FER1L6: variants seen among roughly 807,000 people sequenced by gnomAD.
FER1L6 encodes fer-1-like protein 6.
FER1L6 carries 177 observed loss-of-function variants against 219.2 expected under a neutral mutation model. That is an observed-to-expected ratio of 0.81 (90% CI 0.71 to 0.91). The LOEUF (loss-of-function observed/expected upper bound fraction) is 0.91, where lower values mean the gene tolerates loss of function less well. Among genes scored for constraint, FER1L6 ranks in the 40% least tolerant of loss-of-function variants. The probability of loss-of-function intolerance (pLI) is 0.00; values close to 1 mark genes in which losing one functional copy is unlikely to be tolerated. For synonymous variants in FER1L6, 768 were observed against 824.3 expected (o/e 0.93, Z 1.17); for missense variants, 2,153 against 2,259.9 (o/e 0.95, Z 0.96).
chr8:124,112,227 A>C (rs1418176376), intron 39 of FER1L6, among the ~76,000 whole-genome samples: 1 of 152,138 alleles, frequency 6.6e-6, no homozygotes, highest in Non-Finnish European at 1.5e-5. Flanking sequence ...GTCTGGTTTT[A>C]GTTGCTGGCA....
At chr8:124,021,258 T>C (rs1391587914) in intron 16 of FER1L6, among the ~76,000 whole-genome samples, 2 of 152,172 alleles carry the variant, frequency 1.3e-5, no homozygotes, top group Non-Finnish European at 2.9e-5. Flanking sequence ...AGCCAAACCA[T>C]GTCAGCTTGG....
chr8:123,916,550 T>C (rs984319635), intron 1 of FER1L6, among the ~76,000 whole-genome samples: 1 of 152,210 alleles, frequency 6.6e-6, no homozygotes, highest in East Asian at 1.9e-4. Context: ...ATTGAGTTCA[T>C]TGGATTGCAA....
At chr8:124,045,529 G>A (rs1819687151) in intron 20 of FER1L6, among the ~76,000 whole-genome samples, 1 of 152,170 alleles carries the variant, frequency 6.6e-6, no homozygotes, top group Admixed American at 6.5e-5. Context: ...ACATGTAGGG[G>A]CTCTGCTCAT....
chr8:124,040,126 A>G (rs2130729389), intron 20 of FER1L6, 120 bp downstream of exon 20: 1 of 1,349,548 alleles, frequency 7.4e-7, no homozygotes, highest in South Asian at 1.3e-5. Flanking sequence ...GGGTGTGTAG[A>G]TGTTTCAGAC....
chr8:124,062,726 CCTGTGTGTGTTCCCT>C (rs1820642486), intron 25 of FER1L6, among the ~76,000 whole-genome samples: 1 of 152,196 alleles, frequency 6.6e-6, no homozygotes. Context: ...AATGAATATC[CCTGTGTGTGTTCCCT>C]GAGGGAAGAC....
intron 1 of FER1L6, among the ~76,000 whole-genome samples, chr8:123,877,744 T>C (rs1817029008): frequency 6.6e-6 from 1 of 150,626 alleles, no homozygotes; most frequent in Non-Finnish European, 1.5e-5. Context: ...TCCTTTAACT[T>C]TGGTTTCTCT....
chr8:123,884,547 C>T (rs967769206), intron 1 of FER1L6, among the ~76,000 whole-genome samples: 2 of 152,196 alleles, frequency 1.3e-5, no homozygotes, highest in Non-Finnish European at 2.9e-5. Flanking sequence ...TCTTTCATGG[C>T]AGTTTGCTTC....
intron 14 of FER1L6, among the ~76,000 whole-genome samples, chr8:124,012,262 C>T (rs1489053464): frequency 6.6e-6 from 1 of 152,326 alleles, no homozygotes; most frequent in South Asian, 2.1e-4. Flanking sequence ...GGATTCCAGG[C>T]AACATGGAGA....
At chr8:124,054,222 G>A (rs1213769181) in intron 22 of FER1L6, among the ~76,000 whole-genome samples, 1 of 152,078 alleles carries the variant, frequency 6.6e-6, no homozygotes, top group Non-Finnish European at 1.5e-5. Context: ...ACTAGTTGGT[G>A]TTACCACCCC....
At chr8:124,101,490 G>A (rs1241553163) in intron 38 of FER1L6, 152 bp downstream of exon 38, 2 of 669,184 alleles carry the variant, frequency 3.0e-6, no homozygotes, top group Non-Finnish European at 5.0e-6. Flanking sequence ...CATTAATAGG[G>A]AATGGTTAAA....
At chr8:124,030,987 A>G (rs1818939913) in intron 18 of FER1L6, among the ~76,000 whole-genome samples, 1 of 152,108 alleles carries the variant, frequency 6.6e-6, no homozygotes, top group Non-Finnish European at 1.5e-5. Flanking sequence ...TTATATATGG[A>G]TGATCACAGC....
At chr8:123,886,066 T>C (rs1817195841) in intron 1 of FER1L6, among the ~76,000 whole-genome samples, 1 of 152,228 alleles carries the variant, frequency 6.6e-6, no homozygotes, top group Admixed American at 6.5e-5. Flanking sequence ...TTCGGAGTAC[T>C]TCCTTTGTGC....
At chr8:124,069,503 A>T in intron 29 of FER1L6, 28 bp downstream of exon 29, 1 of 1,514,754 alleles carries the variant, frequency 6.6e-7, no homozygotes, top group Non-Finnish European at 9.1e-7. Flanking sequence ...CATCTCTGCC[A>T]TGGATGGGGA....
At chr8:123,940,563 C>A (rs1814199589) in intron 1 of FER1L6, among the ~76,000 whole-genome samples, 1 of 152,154 alleles carries the variant, frequency 6.6e-6, no homozygotes. Flanking sequence ...GTCTTGACCT[C>A]CTGGCCTCAA....
At chr8:123,987,223 G>A (rs1816627243) in intron 12 of FER1L6, among the ~76,000 whole-genome samples, 2 of 152,320 alleles carry the variant, frequency 1.3e-5, no homozygotes, top group East Asian at 1.9e-4. Context: ...TAACTGGGGT[G>A]AAATGATATA....
In FER1L6 at chr8:123,977,434, G is replaced by C; in HGVS notation, c.888G>C (p.Gln296His). The C allele has an allele frequency of 6.2e-7, 1 of 1,613,862 alleles. No individual in the cohort carries two copies. Among genetic ancestry groups the C allele is most frequent in the Non-Finnish European group, 8.5e-7 (1 of 1,179,886 alleles). The change falls in exon 10 of 41, where the codon CAG (glutamine) becomes CAC (histidine). Residue 296 changes from glutamine to histidine, a missense_variant. Gln to His is a conservative substitution (Grantham distance 24, BLOSUM62 0). Coordinates refer to ENST00000522917, the MANE Select transcript of FER1L6 (RefSeq NM_001039112.2). The stretch of plus-strand genomic sequence containing the variant: ...GTTTTTAGGGGCGAACCACAGTGCA[G>C]AAGAACTGTGCTGATCCTGTGTGGC... Reference protein sequence around the residue: ...FAGQMGRTTVQKNCADPVWHE... With the variant: ...FAGQMGRTTVHKNCADPVWHE...
chr8:123,989,297 T>C (rs368698471), intron 12 of FER1L6, among the ~76,000 whole-genome samples: 7 of 152,176 alleles, frequency 4.6e-5, no homozygotes, highest in African/African-American at 1.4e-4. Context: ...TTTGTGTCTT[T>C]GTATGGTTTT....
chr8:123,954,827 A>G (rs1409858521), intron 1 of FER1L6, among the ~76,000 whole-genome samples: 1 of 152,152 alleles, frequency 6.6e-6, no homozygotes, highest in East Asian at 1.9e-4. Flanking sequence ...TTTCACGTTC[A>G]AGGCCCACAG....
chr8:123,911,963 A>G (rs1813054433), intron 1 of FER1L6, among the ~76,000 whole-genome samples: 1 of 152,138 alleles, frequency 6.6e-6, no homozygotes. Flanking sequence ...CCCTGGTTTT[A>G]TGGTAGACTA....
Sources: allele counts gnomAD v4.1 joint callset (sites outside exome capture counted in the v4.1 genomes callset), GRCh38; gene constraint gnomAD v4.1.1; transcripts MANE v1.5; gene names NCBI Gene and HGNC (gene_info 2026-07-23, HGNC 2026-07-21).